The following NIPBL variants were observed in gnomAD, a reference collection of about 807,000 sequenced individuals.
The protein encoded by NIPBL is NIPBL cohesin loading factor, also known as nipped-B-like protein.
In NIPBL, 19 loss-of-function variants were observed where a neutral mutation model predicts 321.8. That is an observed-to-expected ratio of 0.06 (90% confidence interval 0.04 to 0.09). The LOEUF (loss-of-function observed/expected upper bound fraction) is 0.09. Among genes scored for constraint, NIPBL ranks in the 10% least tolerant of loss-of-function variants. The pLI, the probability that NIPBL is intolerant of heterozygous loss-of-function variation, is 1.00. For synonymous variants in NIPBL, 1,106 were observed against 1,114.1 expected, an observed-to-expected ratio of 0.99 and a Z score of 0.14; for missense variants, 2,210 against 3,327.0, an observed-to-expected ratio of 0.66 and a Z score of 8.26.
intron 1 of NIPBL, chr5:36,885,312 A>C: frequency 2.0e-6 from 1 of 492,222 alleles, no homozygotes; most frequent in Non-Finnish European, 4.0e-6. Context: ...GCCAGCGTCT[A>C]TGCAGGCGCC....
chr5:36,971,597 G>A (rs1742861102), intron 7 of NIPBL: 1 of 152,310 alleles, frequency 6.6e-6, no homozygotes. Context: ...TATGTAAGCT[G>A]CATGTGTCTA....
At chr5:36,965,176 G>C (rs1291886349) in intron 6 of NIPBL, among the ~76,000 whole-genome samples, 1 of 152,060 alleles carries the variant, frequency 6.6e-6, no homozygotes, top group Non-Finnish European at 1.5e-5. Context: ...TCCACTAGTA[G>C]GTATGTATCC....
At chr5:37,001,948 A>G (rs941372162) in intron 14 of NIPBL, among the ~76,000 whole-genome samples, 1 of 152,166 alleles carries the variant, frequency 6.6e-6, no homozygotes, top group Non-Finnish European at 1.5e-5. Context: ...TGTCAGTTTC[A>G]TCTTTTTTAA....
intron 9 of NIPBL, among the ~76,000 whole-genome samples, chr5:36,978,121 C>T (rs1743711461): frequency 6.6e-6 from 1 of 151,970 alleles, no homozygotes; most frequent in Non-Finnish European, 1.5e-5. Flanking sequence ...GATAGAAACC[C>T]AGTAGTGGGA....
rs150325759 is a variant in NIPBL at position 36,958,774 on chromosome 5, G to A, written c.358+543G>A. ...TTTTATGTAGTCATGGAGTACCTTT[G>A]GGTTAAGAGCATTGTTCTGTTCAAG... is the stretch of plus-strand genomic sequence containing the variant. On this transcript the variant is annotated intron_variant, in intron 4 of 46. Coordinates refer to ENST00000282516, the MANE Select transcript of NIPBL (RefSeq NM_133433.4). Among the ~76,000 whole-genome samples the A allele has an allele frequency of 1.6e-3, 249 of 152,204 alleles. 3 individuals are homozygous for A. Among genetic ancestry groups the A allele is most frequent in the African/African-American group, 5.8e-3 (242 of 41,538 alleles).
chr5:36,915,477 A>C (rs540301003), intron 1 of NIPBL, among the ~76,000 whole-genome samples: 1 of 152,236 alleles, frequency 6.6e-6, no homozygotes, highest in South Asian at 2.1e-4. Context: ...CTCTTACTAG[A>C]TGAAGTTCTC....
chr5:36,995,103 T>A (rs159755), intron 10 of NIPBL: 89,421 of 154,882 alleles, frequency 0.58, 28,494 homozygotes, highest in African/African-American at 0.87. Context: ...AGCATATGTA[T>A]AGCTCTTGTC....
At chr5:37,027,881 A>G (rs1307465740) in intron 32 of NIPBL, among the ~76,000 whole-genome samples, 2 of 152,078 alleles carry the variant, frequency 1.3e-5, no homozygotes, top group African/African-American at 4.8e-5. Flanking sequence ...GGCCTCCCAA[A>G]GTGCTGGGAT....
intron 23 of NIPBL, 141 bp from the exon 24 acceptor site, chr5:37,016,875 AATG>A: frequency 1.7e-6 from 1 of 577,216 alleles, no homozygotes. Flanking sequence ...AAAAGGCAAA[AATG>A]ACTTTATGGG....
intron 34 of NIPBL, among the ~76,000 whole-genome samples, chr5:37,042,374 G>A (rs1579547687): frequency 6.6e-6 from 1 of 152,164 alleles, no homozygotes; most frequent in East Asian, 1.9e-4. Flanking sequence ...GGCGGAGGTT[G>A]CAGTGAGCCG....
chr5:37,059,219 T>C, intron 44 of NIPBL, 54 bp downstream of exon 44: 1 of 1,593,832 alleles, frequency 6.3e-7, no homozygotes, highest in Non-Finnish European at 8.6e-7. Context: ...AAATAATAAA[T>C]ATTTGGGCTG....
Position 36,897,205 on chromosome 5 carries a change from T to C in NIPBL, c.-80+20027T>C, listed in dbSNP as rs571775247. On this transcript the variant is annotated intron_variant, in intron 1 of 46. Coordinates refer to ENST00000282516, the MANE Select transcript of NIPBL (RefSeq NM_133433.4). ...TTTTAGTAGAGATGGGGTTTCACTA[T>C]GTTGGCCAGACTAGTCTTGAACTCC... 3.9e-5 allele frequency among the ~76,000 whole-genome samples: 6 copies of C among 152,148 alleles called. No individual in the cohort carries two copies. The East Asian group carries it at 9.7e-4, about 25-fold the overall frequency.
intron 1 of NIPBL, among the ~76,000 whole-genome samples, chr5:36,950,438 A>AT (rs1014612583): frequency 5.3e-5 from 8 of 151,692 alleles, no homozygotes; most frequent in African/African-American, 1.7e-4. Flanking sequence ...TCACTCTTCC[A>AT]TTTTTTCAAA....
chr5:37,036,828 T>A (rs1169123808), intron 33 of NIPBL, among the ~76,000 whole-genome samples: 2 of 151,974 alleles, frequency 1.3e-5, no homozygotes. Flanking sequence ...ACAAAACTGA[T>A]ATCTCCTAAG....
At chr5:36,961,650 T>G (rs1029544177) in intron 5 of NIPBL, 67 bp downstream of exon 5, 4 of 984,308 alleles carry the variant, frequency 4.1e-6, no homozygotes, top group African/African-American at 3.2e-5. Flanking sequence ...GAATATATGG[T>G]TCATACATTT....
intron 34 of NIPBL, 88 bp from the exon 35 acceptor site, chr5:37,044,259 C>T: frequency 8.3e-7 from 1 of 1,205,306 alleles, no homozygotes; most frequent in Non-Finnish European, 1.2e-6. Context: ...GTGCAAAATG[C>T]CCTATTTCTG....
At position 37,000,288 on chromosome 5, in the gene NIPBL, T is replaced by G. The variant is rs548690690; in HGVS notation, c.3305-85T>G. On this transcript the variant is annotated intron_variant, in intron 11 of 46. Coordinates refer to ENST00000282516, the MANE Select transcript of NIPBL (RefSeq NM_133433.4). ...AGACCCTATGGAATGAAGATTTTTT[T>G]CCCCATGTGATTCATTTGTAAAGTA... The G allele has an allele frequency of 2.1e-5, 28 of 1,321,722 alleles. 2 individuals carry two copies. The South Asian group carries it at 3.4e-4, about 16-fold the overall frequency. The allele number at this position is 1,321,722 out of a possible 1,614,324, so 81.9% of individuals were successfully genotyped here.
intron 3 of NIPBL, among the ~76,000 whole-genome samples, chr5:36,956,103 C>T (rs958724742): frequency 5.3e-5 from 8 of 150,756 alleles, no homozygotes; most frequent in Non-Finnish European, 7.4e-5. Context: ...TGGTGGCGGG[C>T]GCCTGTAGTC....
chr5:37,049,214 A>C lies in NIPBL; in HGVS notation c.6867A>C (p.Ala2289=). The change falls in exon 40 of 47, where the codon GCA becomes GCC. Residue 2289 remains alanine (A), a synonymous_variant. Transcript: ENST00000282516. ...TTTATCTCAAACAGGTGCTTGAGGC[A>C]TTTTTTCACACCCAGTCAAGTGTAC... ...MQLYLKQVLE[A]FFHTQSSVRH... is the part of the protein sequence containing the mutation. 1 of 1,614,032 alleles carries C rather than the reference A, an allele frequency of 6.2e-7. No individual in the cohort carries two copies. Among genetic ancestry groups the C allele is most frequent in the East Asian group, 2.2e-5 (1 of 44,872 alleles).
Sources: gnomAD v4.1 joint callset for allele counts (sites outside exome capture counted in the v4.1 genomes callset) on GRCh38, gnomAD v4.1.1 for gene constraint, MANE v1.5 for transcripts, NCBI Gene and HGNC (gene_info 2026-07-23, HGNC 2026-07-21) for gene names.